LRCH3: variants seen among roughly 807,000 people sequenced by gnomAD.
LRCH3 encodes leucine rich repeats and calponin homology domain containing 3.
In LRCH3, 68 loss-of-function variants were observed where a neutral mutation model predicts 104.5. The ratio of observed to expected loss-of-function variants is 0.65; its 90% CI spans 0.54 to 0.80. The LOEUF (loss-of-function observed/expected upper bound fraction) is 0.80, where lower values mean the gene tolerates loss of function less well. LRCH3 is among the 30% of genes least tolerant of loss of function. The pLI, the probability that LRCH3 is intolerant of heterozygous loss-of-function variation, is 0.00. For missense variants in LRCH3, 951 were observed against 953.9 expected, an observed-to-expected ratio of 1.00 and a Z score of 0.04; for synonymous variants, 344 against 361.3, an observed-to-expected ratio of 0.95 and a Z score of 0.54.
intron 19 of LRCH3, 60 bp from the exon 20 acceptor site, chr3:197,875,638 T>A: frequency 7.5e-7 from 1 of 1,326,946 alleles, no homozygotes; most frequent in South Asian, 1.3e-5. Flanking sequence ...TGGGTGGCAG[T>A]GAGACCCTGT....
intron 2 of LRCH3, among the ~76,000 whole-genome samples, chr3:197,816,718 C>T (rs1733845787): frequency 6.6e-6 from 1 of 152,112 alleles, no homozygotes; most frequent in Non-Finnish European, 1.5e-5. Flanking sequence ...GCTACATTTT[C>T]ACCATTTATG....
At chr3:197,792,962 A>AT (rs992236416) in intron 1 of LRCH3, among the ~76,000 whole-genome samples, 5 of 151,424 alleles carry the variant, frequency 3.3e-5, no homozygotes, top group South Asian at 4.2e-4. Context: ...AATATTTTGT[A>AT]TTTTTTTGTA....
At chr3:197,881,871 A>G (rs1580930773) in intron 20 of LRCH3, 1 of 985,452 alleles carries the variant, frequency 1.0e-6, no homozygotes. Context: ...TGAGGGGCTC[A>G]CTGGTTTGGT....
intron 20 of LRCH3, chr3:197,880,642 GT>G: frequency 6.5e-7 from 1 of 1,536,728 alleles, no homozygotes; most frequent in Non-Finnish European, 8.7e-7. Flanking sequence ...CAGCTTCTGG[GT>G]TTTGTGGCAT....
At chr3:197,881,693 C>T in intron 20 of LRCH3, 1 of 985,342 alleles carries the variant, frequency 1.0e-6, no homozygotes, top group Non-Finnish European at 1.2e-6. Context: ...CGGTTAGATT[C>T]TAGTTTCATA....
At chr3:197,803,833 A>G (rs909220046) in intron 1 of LRCH3, among the ~76,000 whole-genome samples, 2 of 152,220 alleles carry the variant, frequency 1.3e-5, no homozygotes, top group African/African-American at 2.4e-5. Context: ...CAGTTTAAGA[A>G]GCACTGCTGT....
At chr3:197,847,197 C>G (rs556385581) in intron 10 of LRCH3, among the ~76,000 whole-genome samples, 1 of 152,284 alleles carries the variant, frequency 6.6e-6, no homozygotes, top group African/African-American at 2.4e-5. Flanking sequence ...CCACATGAAA[C>G]GTGAGTTGGA....
chr3:197,847,077 CATG>C (rs1738847900), intron 10 of LRCH3, among the ~76,000 whole-genome samples: 3 of 152,218 alleles, frequency 2.0e-5, no homozygotes, highest in South Asian at 4.2e-4. Context: ...GTGTTTTAAT[CATG>C]GTGGTAACGA....
intron 1 of LRCH3, among the ~76,000 whole-genome samples, chr3:197,798,609 C>G (rs1368324867): frequency 1.3e-5 from 2 of 152,316 alleles, no homozygotes; most frequent in East Asian, 3.9e-4. Flanking sequence ...AGAATGAGGA[C>G]TGCTAAAATG....
intron 19 of LRCH3, among the ~76,000 whole-genome samples, chr3:197,875,357 G>A (rs923272945): frequency 1.3e-5 from 2 of 152,194 alleles, no homozygotes; most frequent in Non-Finnish European, 1.5e-5. Flanking sequence ...TCTAAAGTTA[G>A]CAAATATTTT....
At chr3:197,822,247 G>A (rs965374944) in intron 4 of LRCH3, among the ~76,000 whole-genome samples, 2 of 152,040 alleles carry the variant, frequency 1.3e-5, no homozygotes, top group Non-Finnish European at 2.9e-5. Flanking sequence ...TCCTGGTTCT[G>A]TTTGCTACCA....
chr3:197,816,576 A>C (rs909411934), intron 2 of LRCH3, among the ~76,000 whole-genome samples: 1 of 152,126 alleles, frequency 6.6e-6, no homozygotes, highest in Admixed American at 6.6e-5. Flanking sequence ...CACTGCGCCC[A>C]GCCGATAGAT....
At chr3:197,792,600 T>TAC (rs1560511314) in intron 1 of LRCH3, among the ~76,000 whole-genome samples, 1 of 79,486 alleles carries the variant, frequency 1.3e-5, no homozygotes, top group Non-Finnish European at 2.5e-5. Context: ...TATATATATA[T>TAC]ATATAAAATA....
At chr3:197,830,935 G>T (rs114168679) in intron 7 of LRCH3, 72 bp downstream of exon 7, 14 of 1,279,766 alleles carry the variant, frequency 1.1e-5, no homozygotes, top group Middle Eastern at 3.8e-4. Context: ...AATGAAAAGC[G>T]TCTTAACTGG....
chr3:197,871,596 TCA>T, intron 19 of LRCH3, 134 bp downstream of exon 19: 2 of 1,191,686 alleles, frequency 1.7e-6, no homozygotes, highest in Non-Finnish European at 2.4e-6. Context: ...CTTCCTGGTC[TCA>T]CTTCTACTCG....
At chr3:197,832,807 G>T (rs931941666) in intron 8 of LRCH3, among the ~76,000 whole-genome samples, 1 of 151,504 alleles carries the variant, frequency 6.6e-6, no homozygotes, top group African/African-American at 2.4e-5. Flanking sequence ...TCATTAGCAA[G>T]CAGCACTCTC....
At chr3:197,832,435 A>C (rs1002579561) in intron 8 of LRCH3, 118 bp downstream of exon 8, 1 of 982,594 alleles carries the variant, frequency 1.0e-6, no homozygotes, top group Non-Finnish European at 1.4e-6. Flanking sequence ...CTTCTTTTAA[A>C]GACTTCTTTT....
intron 20 of LRCH3, among the ~76,000 whole-genome samples, chr3:197,878,741 C>T (rs987452496): frequency 6.6e-6 from 1 of 152,184 alleles, no homozygotes; most frequent in Non-Finnish European, 1.5e-5. Context: ...TTCAAACTAG[C>T]CTTCTGAGGT....
intron 15 of LRCH3, 191 bp downstream of exon 15, chr3:197,859,096 T>C: frequency 1.7e-6 from 1 of 581,386 alleles, no homozygotes. Context: ...GAGATAGTCA[T>C]AGAGCTCACA....
Sources: gnomAD v4.1 joint callset for allele counts (sites outside exome capture counted in the v4.1 genomes callset) on GRCh38, gnomAD v4.1.1 for gene constraint, MANE v1.5 for transcripts, NCBI Gene and HGNC (gene_info 2026-07-23, HGNC 2026-07-21) for gene names.